HTR1F: variants seen among roughly 807,000 people sequenced by gnomAD.
HTR1F encodes the protein 5-hydroxytryptamine receptor 1F, also known as 5-hydroxytryptamine (serotonin) receptor 1F, G protein-coupled.
HTR1F carries 17 observed loss-of-function variants against 24.0 expected under a neutral mutation model. That is an observed-to-expected ratio of 0.71 (90% CI 0.48 to 1.06). The LOEUF is 1.06. Among genes scored for constraint, HTR1F ranks in the 50% least tolerant of loss-of-function variants. HTR1F has a pLI of 0.00. For missense variants in HTR1F, 391 were observed against 427.8 expected (o/e 0.91, Z 0.76); for synonymous variants, 186 against 156.8 (o/e 1.19, Z -1.39).
At chr3:87,820,386 C>A (rs1474656425) in intron 1 of HTR1F, among the ~76,000 whole-genome samples, 1 of 151,630 alleles carries the variant, frequency 6.6e-6, no homozygotes, top group East Asian at 1.9e-4. Context: ...CCGTTTTAGC[C>A]GGGATGGTCT....
intron 2 of HTR1F, among the ~76,000 whole-genome samples, chr3:87,887,912 A>G (rs1705991446): frequency 8.8e-6 from 1 of 113,052 alleles, no homozygotes; most frequent in East Asian, 2.2e-4. Context: ...TCAGTGTGGC[A>G]ATTCCTCAGG....
intron 2 of HTR1F, among the ~76,000 whole-genome samples, chr3:87,867,577 C>T (rs1705456787): frequency 6.7e-6 from 1 of 148,766 alleles, no homozygotes; most frequent in Admixed American, 6.7e-5. Context: ...TCTGAGTGAC[C>T]TCCCCCAGAA....
At chr3:87,988,751 GT>G (rs1441436092) in intron 2 of HTR1F, among the ~76,000 whole-genome samples, 1 of 133,118 alleles carries the variant, frequency 7.5e-6, no homozygotes, top group Non-Finnish European at 1.6e-5. Flanking sequence ...TTTTTTTTTT[GT>G]ATTTTTAGTA....
At chr3:87,902,859 TG>T (rs1706360180) in intron 2 of HTR1F, among the ~76,000 whole-genome samples, 1 of 151,324 alleles carries the variant, frequency 6.6e-6, no homozygotes, top group Admixed American at 6.6e-5. Flanking sequence ...TTTGGTTTTT[TG>T]TTCTTGCAAC....
intron 2 of HTR1F, among the ~76,000 whole-genome samples, chr3:87,896,417 A>G (rs1183523432): frequency 2.0e-5 from 3 of 152,200 alleles, no homozygotes; most frequent in South Asian, 2.1e-4. Context: ...GTTGCCCAAG[A>G]TAGAACATGT....
At chr3:87,866,815 C>CGTGTGTGT (rs370665620) in intron 2 of HTR1F, among the ~76,000 whole-genome samples, 117 of 99,126 alleles carry the variant, frequency 1.2e-3, no homozygotes, top group African/African-American at 2.1e-3. Flanking sequence ...CACAAGTGTG[C>CGTGTGTGT]GTGCGTGTGT....
intron 2 of HTR1F, among the ~76,000 whole-genome samples, chr3:87,912,631 G>C (rs1262441127): frequency 5.1e-5 from 3 of 58,396 alleles, no homozygotes; most frequent in Non-Finnish European, 1.0e-4. Flanking sequence ...GGCAATCCTA[G>C]GCAAAAAAAA....
intron 2 of HTR1F, among the ~76,000 whole-genome samples, chr3:87,964,206 G>A (rs879533765): frequency 3.3e-5 from 5 of 152,036 alleles, no homozygotes; most frequent in Admixed American, 6.6e-5. Context: ...AATTGTCCTT[G>A]AATATTAGAA....
chr3:87,911,929 G>C (rs977810786), intron 2 of HTR1F, among the ~76,000 whole-genome samples: 1 of 151,996 alleles, frequency 6.6e-6, no homozygotes, highest in African/African-American at 2.4e-5. Flanking sequence ...AAAATAATGA[G>C]AGCCATCTAT....
chr3:87,879,024 AT>A (rs1406821898), intron 2 of HTR1F, among the ~76,000 whole-genome samples: 1 of 152,174 alleles, frequency 6.6e-6, no homozygotes, highest in Non-Finnish European at 1.5e-5. Flanking sequence ...ATGAATTTTG[AT>A]TTGTGCTATT....
At chr3:87,908,527 T>G (rs1300909696) in intron 2 of HTR1F, among the ~76,000 whole-genome samples, 1 of 152,046 alleles carries the variant, frequency 6.6e-6, no homozygotes, top group Admixed American at 6.6e-5. Flanking sequence ...CCAAGAACTA[T>G]CTGGTAACGT....
intron 2 of HTR1F, among the ~76,000 whole-genome samples, chr3:87,916,953 C>T (rs1228325551): frequency 6.6e-6 from 1 of 151,994 alleles, no homozygotes; most frequent in East Asian, 1.9e-4. Flanking sequence ...AGATAGACCA[C>T]ATGATAGACC....
At chr3:87,877,655 C>T (rs1418265897) in intron 2 of HTR1F, among the ~76,000 whole-genome samples, 1 of 152,052 alleles carries the variant, frequency 6.6e-6, no homozygotes, top group African/African-American at 2.4e-5. Context: ...AAGTGATATC[C>T]AAGATCCCAA....
intron 2 of HTR1F, among the ~76,000 whole-genome samples, chr3:87,903,521 A>G (rs1706382015): frequency 6.6e-6 from 1 of 151,454 alleles, no homozygotes; most frequent in Non-Finnish European, 1.5e-5. Context: ...AACACATGAA[A>G]AAATGCTCAC....
intron 2 of HTR1F, among the ~76,000 whole-genome samples, chr3:87,989,476 T>A (rs1705769322): frequency 6.6e-6 from 1 of 152,222 alleles, no homozygotes; most frequent in Non-Finnish European, 1.5e-5. Flanking sequence ...TAACTACTTA[T>A]ATCCACAAAG....
intron 2 of HTR1F, among the ~76,000 whole-genome samples, chr3:87,963,693 G>C (rs1478527642): frequency 2.6e-5 from 4 of 152,106 alleles, no homozygotes; most frequent in Non-Finnish European, 4.4e-5. Flanking sequence ...CTGAGTTTAT[G>C]ATCCCTCAAC....
chr3:87,834,689 C>A (rs1283707881), intron 2 of HTR1F, among the ~76,000 whole-genome samples: 1 of 152,168 alleles, frequency 6.6e-6, no homozygotes, highest in Non-Finnish European at 1.5e-5. Context: ...ATCCATCCTG[C>A]TGCCTATTTT....
intron 2 of HTR1F, among the ~76,000 whole-genome samples, chr3:87,905,376 A>G (rs1703639037): frequency 6.6e-6 from 1 of 151,150 alleles, no homozygotes; most frequent in Admixed American, 6.6e-5. Flanking sequence ...TGCCATTTAC[A>G]TTAACTGACT....
chr3:87,884,756 A>G (rs150030833), intron 2 of HTR1F, among the ~76,000 whole-genome samples: 90 of 152,314 alleles, frequency 5.9e-4, no homozygotes, highest in Middle Eastern at 6.8e-3. Context: ...AAAGAAGGCC[A>G]TTACATAATG....
Sources: allele counts gnomAD v4.1 joint callset (sites outside exome capture counted in the v4.1 genomes callset), GRCh38; gene constraint gnomAD v4.1.1; transcripts MANE v1.5; gene names NCBI Gene and HGNC (gene_info 2026-07-23, HGNC 2026-07-21).